Variants in WDR72 observed in about 807,000 individuals in gnomAD.
WDR72 encodes the protein WD repeat-containing protein 72.
WDR72 carries 120 observed loss-of-function variants against 124.2 expected under a neutral mutation model. The observed-to-expected ratio is 0.97, with a 90% CI of 0.83 to 1.12. The LOEUF is 1.12. Ranked by LOEUF, WDR72 falls within the 50% of genes most tolerant of loss-of-function variation. WDR72 has a pLI of 0.00. For missense variants in WDR72, 1,387 were observed against 1,278.8 expected, an observed-to-expected ratio of 1.08 and a Z score of -1.29; for synonymous variants, 452 against 441.7, an observed-to-expected ratio of 1.02 and a Z score of -0.29.
In WDR72 at chr15:53,597,273, A is replaced by G; in HGVS notation, c.2954T>C (p.Val985Ala). 1 of 1,613,480 alleles carries G rather than the reference A, an allele frequency of 6.2e-7. No homozygotes were observed. Among genetic ancestry groups the G allele is most frequent in the Non-Finnish European group, 8.5e-7 (1 of 1,179,690 alleles). ...GAGAACAGCTTGTATTGCTTCAGTT[A>G]CCTGTAAGGTATTTTTTTAAGTGAA... Reference protein sequence around the residue: ...ISCWRDQSVQVTEAIQAVLLA... With the variant: ...ISCWRDQSVQATEAIQAVLLA... The change falls in exon 18 of 20, where the codon GTA (valine) becomes GCA (alanine). Residue 985 changes from valine to alanine, a missense_variant and splice_region_variant. Val to Ala is a moderately conservative substitution (Grantham distance 64). Transcript: ENST00000360509.
intron 14 of WDR72, among the ~76,000 whole-genome samples, chr15:53,618,240 G>T (rs1001287554): frequency 6.6e-6 from 1 of 151,812 alleles, no homozygotes; most frequent in Admixed American, 6.6e-5. Context: ...CCTTAAATAT[G>T]TATTCCTATT....
intron 18 of WDR72, among the ~76,000 whole-genome samples, chr15:53,593,282 A>C (rs1298309228): frequency 1.3e-5 from 2 of 152,128 alleles, no homozygotes; most frequent in Non-Finnish European, 2.9e-5. Context: ...TTTTAGTTCA[A>C]ACTGATTTAG....
rs140365362 is a variant in WDR72 at position 53,627,360 on chromosome 15, C to T, written c.1963-11117G>A. On this transcript the variant is annotated intron_variant, in intron 14 of 19. Coordinates refer to ENST00000360509, the MANE Select transcript of WDR72 (RefSeq NM_182758.4). ...GAACTAGTCACATATAAAATTAGTACGTAAACACTCCTTGCCTTATAACAT... is the reference window on the plus strand; with the variant it reads ...GAACTAGTCACATATAAAATTAGTATGTAAACACTCCTTGCCTTATAACAT... Among the ~76,000 whole-genome samples, 590 of 152,272 alleles carry T rather than the reference C, an allele frequency of 3.9e-3. 1 individual carries two copies. The highest frequency in any genetic ancestry group is 0.014 in the African/African-American group (564 of 41,548).
chr15:53,647,942 T>G (rs76860592), intron 14 of WDR72, among the ~76,000 whole-genome samples: 2,007 of 152,216 alleles, frequency 0.013, 35 homozygotes, highest in East Asian at 0.07. Flanking sequence ...AAACCCAGAT[T>G]GACTACTCCT....
At chr15:53,651,714 G>A (rs554778623) in intron 14 of WDR72, among the ~76,000 whole-genome samples, 37 of 152,220 alleles carry the variant, frequency 2.4e-4, no homozygotes, top group African/African-American at 8.7e-4. Flanking sequence ...GTGCAGTGGC[G>A]AGATCTCAGC....
In WDR72 at chr15:53,703,077, C is replaced by A. The variant is rs540980470; in HGVS notation, c.1349-723G>T. Among the ~76,000 whole-genome samples the A allele has an allele frequency of 1.7e-4, 26 of 151,472 alleles. No individual in the cohort carries two copies. The South Asian group carries it at 2.7e-3, about 16-fold the overall frequency. On this transcript the variant is annotated intron_variant, in intron 11 of 19. Coordinates refer to ENST00000360509, the MANE Select transcript of WDR72 (RefSeq NM_182758.4). Reference sequence around the variant, plus strand: ...CACAGGTGAGCGCCACCATGCCCAGCTAATTTTTGTTTTTTTTGCAGGGAC... The same window carrying A: ...CACAGGTGAGCGCCACCATGCCCAGATAATTTTTGTTTTTTTTGCAGGGAC...
chr15:53,546,322 T>C (rs4324077), intron 18 of WDR72, among the ~76,000 whole-genome samples: 47,629 of 151,704 alleles, frequency 0.31, 7,922 homozygotes, highest in Admixed American at 0.41. Context: ...CACCATGGAA[T>C]ACTATGCAGC....
At chr15:53,573,699 C>T (rs549275925) in intron 18 of WDR72, among the ~76,000 whole-genome samples, 12 of 152,238 alleles carry the variant, frequency 7.9e-5, no homozygotes, top group South Asian at 4.1e-4. Context: ...GCGTGCACCA[C>T]CACACCTAGC....
At position 53,516,106 on chromosome 15, in the gene WDR72, G is replaced by A. The variant is rs991019828; in HGVS notation, c.*1593C>T. 6.6e-6 allele frequency: 1 copy of A among 152,012 alleles called. No homozygotes were observed. The highest frequency in any genetic ancestry group is 1.5e-5 in the Non-Finnish European group (1 of 67,986). 9.4% of individuals were successfully genotyped at this position (152,012 alleles called of 1,614,324 possible). ...CTTTTGACTGTTTCTAAAGGAGGGG[G>A]AATATATTTATCAATCAGTTTTCAA... On this transcript the variant is annotated 3_prime_UTR_variant, in exon 20 of 20. Transcript: ENST00000360509.
intron 18 of WDR72, among the ~76,000 whole-genome samples, chr15:53,558,651 C>A (rs1261965138): frequency 6.6e-6 from 1 of 151,922 alleles, no homozygotes; most frequent in Non-Finnish European, 1.5e-5. Context: ...TTTATAAATT[C>A]AAAAAGTTAA....
intron 14 of WDR72, among the ~76,000 whole-genome samples, chr15:53,659,563 C>T (rs2015541081): frequency 2.0e-5 from 3 of 152,188 alleles, no homozygotes; most frequent in African/African-American, 4.8e-5. Flanking sequence ...GTCACTCAGA[C>T]CTTCTAAATT....
intron 18 of WDR72, among the ~76,000 whole-genome samples, chr15:53,594,462 T>C (rs2012666963): frequency 6.6e-6 from 1 of 152,016 alleles, no homozygotes; most frequent in Non-Finnish European, 1.5e-5. Context: ...GCCTATGAAA[T>C]TTGAGGAATT....
At position 53,704,747 on chromosome 15, in the gene WDR72, T is replaced by C. The variant is rs536957844; in HGVS notation, c.1348+241A>G. Among the ~76,000 whole-genome samples the C allele has an allele frequency of 7.8e-4, 112 of 142,694 alleles. 1 individual carries two copies. The highest frequency in any genetic ancestry group is 2.8e-3 in the African/African-American group (109 of 38,550). 93.6% of individuals were successfully genotyped at this position (142,694 alleles called of 152,430 possible). A position where few individuals can be genotyped will look rare whatever the true frequency, so the allele number is the denominator to read the frequency against. On this transcript the variant is annotated intron_variant, in intron 11 of 19. Transcript: ENST00000360509. ...TGGGGTTTCACCGTGTTAGCCAGGA[T>C]GGTCTCGATCTCCTGACCTCGTGAT... is the stretch of plus-strand genomic sequence containing the variant.
At chr15:53,533,178 G>A (rs1469601342) in intron 18 of WDR72, among the ~76,000 whole-genome samples, 1 of 152,102 alleles carries the variant, frequency 6.6e-6, no homozygotes, top group Non-Finnish European at 1.5e-5. Context: ...AGAAGACAAT[G>A]GAATTGAAGA....
At chr15:53,601,063 T>C (rs1323281247) in intron 17 of WDR72, among the ~76,000 whole-genome samples, 2 of 152,148 alleles carry the variant, frequency 1.3e-5, no homozygotes, top group Non-Finnish European at 2.9e-5. Flanking sequence ...GTATTCCATT[T>C]AACTAGGGTT....
At chr15:53,653,749 G>T (rs1324187662) in intron 14 of WDR72, among the ~76,000 whole-genome samples, 3 of 152,074 alleles carry the variant, frequency 2.0e-5, no homozygotes, top group Non-Finnish European at 4.4e-5. Flanking sequence ...CAATAGACTG[G>T]AAATTATTAT....
Position 53,705,098 on chromosome 15 carries a change from A to G in WDR72, c.1238T>C (p.Ile413Thr), listed in dbSNP as rs2017310566. Residue 413 changes from isoleucine to threonine, a missense_variant, in exon 11 of 20, where the codon ATT becomes ACT. Physicochemically the swap from Ile to Thr is moderately conservative, Grantham distance 89. Coordinates refer to ENST00000360509, the MANE Select transcript of WDR72 (RefSeq NM_182758.4). ...ACATATTAGTTTATCAAGACTTGGA[A>G]TATACTCTGATGAAGTGACTACAGC... The part of the protein sequence containing the change: ...GTAVVTSSEY[I>T]PSLDKLICGC... 6.2e-7 allele frequency: 1 copy of G among 1,614,042 alleles called. No individual in the cohort carries two copies. Among genetic ancestry groups the G allele is most frequent in the Non-Finnish European group, 8.5e-7 (1 of 1,180,036 alleles).
chr15:53,723,712 T>G (rs866646564), intron 2 of WDR72, among the ~76,000 whole-genome samples: 2 of 152,228 alleles, frequency 1.3e-5, no homozygotes, highest in African/African-American at 4.8e-5. Flanking sequence ...TATTGGCATA[T>G]AGCCTATGAA....
chr15:53,613,196 T>C (rs566222079), intron 16 of WDR72, among the ~76,000 whole-genome samples: 2 of 152,240 alleles, frequency 1.3e-5, no homozygotes, highest in South Asian at 2.1e-4. Flanking sequence ...GTTGAGAATA[T>C]AACCTTCTGA....
Sources: allele counts gnomAD v4.1 joint callset (sites outside exome capture counted in the v4.1 genomes callset), GRCh38; gene constraint gnomAD v4.1.1; transcripts MANE v1.5; gene names NCBI Gene and HGNC (gene_info 2026-07-23, HGNC 2026-07-21).